The following MRPS28 variants were observed in gnomAD, a reference collection of about 807,000 sequenced individuals.
MRPS28 encodes the protein small ribosomal subunit protein bS1m.
MRPS28 carries 7 observed loss-of-function variants against 10.8 expected under a neutral mutation model. That is an observed-to-expected ratio of 0.65 (90% CI 0.37 to 1.22). MRPS28 has a LOEUF of 1.22. Among genes scored for constraint, MRPS28 ranks in the 50% most tolerant of loss-of-function variants. MRPS28 has a pLI of 0.02. For missense variants in MRPS28, 265 were observed against 232.9 expected (o/e 1.14, Z -0.90); for synonymous variants, 121 against 93.3 (o/e 1.30, Z -1.71).
chr8:79,925,773 A>G (rs1392336983), intron 2 of MRPS28, among the ~76,000 whole-genome samples: 1 of 152,150 alleles, frequency 6.6e-6, no homozygotes, highest in Non-Finnish European at 1.5e-5. Flanking sequence ...GGACTGCTTG[A>G]GTTCAGAGTT....
At chr8:79,920,115 T>A (rs1271576360) in intron 2 of MRPS28, among the ~76,000 whole-genome samples, 1 of 152,126 alleles carries the variant, frequency 6.6e-6, no homozygotes, top group Non-Finnish European at 1.5e-5. Flanking sequence ...ACAAAGGACA[T>A]GAACTCATCG....
intron 2 of MRPS28, among the ~76,000 whole-genome samples, chr8:79,929,583 T>A (rs1806404386): frequency 6.6e-6 from 1 of 152,136 alleles, no homozygotes; most frequent in East Asian, 1.9e-4. Context: ...TGACGGTACT[T>A]ATTTTATGTG....
intron 1 of MRPS28, among the ~76,000 whole-genome samples, chr8:80,015,282 C>G (rs979994333): frequency 2.0e-5 from 3 of 152,216 alleles, no homozygotes; most frequent in African/African-American, 7.2e-5. Flanking sequence ...ATTTATCAAA[C>G]AGGTGTTGTC....
chr8:79,986,378 C>T (rs534705968), intron 2 of MRPS28, among the ~76,000 whole-genome samples: 13 of 152,228 alleles, frequency 8.5e-5, no homozygotes, highest in Admixed American at 8.5e-4. Flanking sequence ...GCAGGGATGC[C>T]CTCTCTCACC....
chr8:79,942,331 C>T (rs993482138), intron 2 of MRPS28, among the ~76,000 whole-genome samples: 10 of 152,266 alleles, frequency 6.6e-5, no homozygotes, highest in Admixed American at 1.3e-4. Context: ...GTCACAATTT[C>T]AAGAGATTCA....
intron 2 of MRPS28, among the ~76,000 whole-genome samples, chr8:79,970,214 G>A (rs963000074): frequency 6.6e-6 from 1 of 151,792 alleles, no homozygotes; most frequent in Admixed American, 6.6e-5. Context: ...CAGATCACGG[G>A]TTTTTTTTAC....
At chr8:80,029,196 AAT>A (rs1809578118) in intron 1 of MRPS28, among the ~76,000 whole-genome samples, 3 of 152,170 alleles carry the variant, frequency 2.0e-5, no homozygotes, top group African/African-American at 7.2e-5. Context: ...ATAATAAACT[AAT>A]ATACCAGGCT....
At chr8:79,998,065 A>AAAAAG (rs1554573537) in intron 2 of MRPS28, among the ~76,000 whole-genome samples, 37 of 151,750 alleles carry the variant, frequency 2.4e-4, no homozygotes, top group African/African-American at 5.3e-4. Context: ...AAAAAAAAAA[A>AAAAAG]AAAGAAAGAA....
At chr8:80,000,228 T>G (rs1808625011) in intron 2 of MRPS28, among the ~76,000 whole-genome samples, 1 of 152,238 alleles carries the variant, frequency 6.6e-6, no homozygotes, top group African/African-American at 2.4e-5. Flanking sequence ...TCCCTCTTGA[T>G]GATCCTCATT....
intron 2 of MRPS28, among the ~76,000 whole-genome samples, chr8:79,982,344 AC>A (rs1400036708): frequency 6.6e-6 from 1 of 152,228 alleles, no homozygotes; most frequent in Non-Finnish European, 1.5e-5. Context: ...GACGCAGAAG[AC>A]GGGTGATTTC....
chr8:79,987,611 G>T (rs563234864), intron 2 of MRPS28, among the ~76,000 whole-genome samples: 7 of 152,106 alleles, frequency 4.6e-5, no homozygotes, highest in Non-Finnish European at 8.8e-5. Context: ...CAAAAAGTGG[G>T]CAAAGGACAT....
In MRPS28 at chr8:79,943,290, G is replaced by A. The variant is rs79633523; in HGVS notation, c.396-24142C>T. Among the ~76,000 whole-genome samples the A allele has an allele frequency of 6.5e-3, 983 of 152,288 alleles. 42 individuals are homozygous for A. The East Asian group carries it at 0.13, about 19-fold the overall frequency. On this transcript the variant is annotated intron_variant, in intron 2 of 2. Coordinates refer to ENST00000276585, the MANE Select transcript of MRPS28 (RefSeq NM_014018.3). The stretch of plus-strand genomic sequence containing the variant: ...TGTCATACTTCAGAGTATGCTATGT[G>A]ACAATAGCTACAAGAGCCGAAGAAG...
At chr8:79,985,960 A>G (rs1222117416) in intron 2 of MRPS28, among the ~76,000 whole-genome samples, 1 of 152,198 alleles carries the variant, frequency 6.6e-6, no homozygotes, top group Non-Finnish European at 1.5e-5. Context: ...AAAGCCTGGC[A>G]GAGACACAAC....
At chr8:79,941,968 G>A (rs567366563) in intron 2 of MRPS28, among the ~76,000 whole-genome samples, 42 of 152,268 alleles carry the variant, frequency 2.8e-4, no homozygotes, top group Non-Finnish European at 4.6e-4. Context: ...CATAGTATGT[G>A]CATTTAACTT....
chr8:80,013,987 G>C (rs1809129804), intron 1 of MRPS28, among the ~76,000 whole-genome samples: 1 of 152,110 alleles, frequency 6.6e-6, no homozygotes, highest in East Asian at 1.9e-4. Context: ...ATATTGAAGA[G>C]AACAGATGGA....
At chr8:79,974,279 G>A (rs1241693935) in intron 2 of MRPS28, among the ~76,000 whole-genome samples, 2 of 152,034 alleles carry the variant, frequency 1.3e-5, no homozygotes, top group East Asian at 1.9e-4. Context: ...GGTGGCTCAC[G>A]CCTGTTATCC....
At chr8:79,925,707 G>A (rs1810214488) in intron 2 of MRPS28, among the ~76,000 whole-genome samples, 1 of 152,142 alleles carries the variant, frequency 6.6e-6, no homozygotes, top group Admixed American at 6.5e-5. Flanking sequence ...ATGAGGGAGG[G>A]CCAGCCATGG....
intron 2 of MRPS28, among the ~76,000 whole-genome samples, chr8:79,948,406 C>CATCT (rs1472391734): frequency 6.6e-6 from 1 of 152,168 alleles, no homozygotes; most frequent in Non-Finnish European, 1.5e-5. Flanking sequence ...TTTTTGCAGC[C>CATCT]ATCTGCAAAT....
intron 2 of MRPS28, among the ~76,000 whole-genome samples, chr8:79,972,588 A>G (rs1363638859): frequency 6.6e-6 from 1 of 152,196 alleles, no homozygotes. Context: ...TGACTGCACC[A>G]TTTTACATTC....
Sources: allele counts gnomAD v4.1 joint callset (sites outside exome capture counted in the v4.1 genomes callset), GRCh38; gene constraint gnomAD v4.1.1; transcripts MANE v1.5; gene names NCBI Gene and HGNC (gene_info 2026-07-23, HGNC 2026-07-21).